The following AK8 variants were observed in gnomAD, a reference collection of about 807,000 sequenced individuals.
AK8 encodes adenylate kinase 8, also known as ATP-AMP transphosphorylase 8.
Under a neutral mutation model 54.6 loss-of-function variants are expected in AK8, and 44 were observed. The ratio of observed to expected loss-of-function variants is 0.81; its 90% CI spans 0.63 to 1.04. The LOEUF (loss-of-function observed/expected upper bound fraction) is 1.04, where lower values mean the gene tolerates loss of function less well. Among genes scored for constraint, AK8 ranks in the 50% least tolerant of loss-of-function variants. AK8 has a pLI of 0.00. For synonymous variants in AK8, 239 were observed against 245.6 expected, an observed-to-expected ratio of 0.97 and a Z score of 0.25; for missense variants, 555 against 613.6, an observed-to-expected ratio of 0.90 and a Z score of 1.01.
chr9:132,844,297 C>CAAAAAA (rs35309762), intron 5 of AK8, among the ~76,000 whole-genome samples: 71 of 92,422 alleles, frequency 7.7e-4, no homozygotes, highest in Non-Finnish European at 9.6e-4. Context: ...TGCATTAGAC[C>CAAAAAA]AAAAAAAAAA....
chr9:132,827,681 G>A lies in AK8; in HGVS notation c.556+332C>T, dbSNP rs139299249. Among the ~76,000 whole-genome samples, 44 of 152,320 alleles carry A rather than the reference G, an allele frequency of 2.9e-4. No homozygotes were observed. The East Asian group carries it at 5.6e-3, about 19-fold the overall frequency. On this transcript the variant is annotated intron_variant, in intron 7 of 12. Coordinates refer to ENST00000298545, the MANE Select transcript of AK8 (RefSeq NM_152572.3). ...TACCAAAGAATAAGGGGTGTCAAGG[G>A]GGCACATAATTTGTCCCAGGGAGAG...
chr9:132,843,495 T>C (rs539942669), intron 5 of AK8, among the ~76,000 whole-genome samples: 49 of 152,298 alleles, frequency 3.2e-4, no homozygotes, highest in Admixed American at 1.8e-3. Context: ...CTTTATGCAT[T>C]GCAAGAATGG....
intron 2 of AK8, among the ~76,000 whole-genome samples, chr9:132,868,711 C>G (rs1265215727): frequency 3.3e-5 from 5 of 152,196 alleles, no homozygotes. Flanking sequence ...CCCATGGCGG[C>G]CAGAACTGTG....
intron 11 of AK8, among the ~76,000 whole-genome samples, chr9:132,765,816 A>C (rs1247846552): frequency 6.6e-6 from 1 of 152,220 alleles, no homozygotes; most frequent in Non-Finnish European, 1.5e-5. Flanking sequence ...CTTATTCAAT[A>C]CATTACTGTA....
intron 10 of AK8, among the ~76,000 whole-genome samples, chr9:132,796,651 G>A (rs531370899): frequency 2.0e-5 from 3 of 152,138 alleles, no homozygotes; most frequent in South Asian, 2.1e-4. Flanking sequence ...TAGACAGGTC[G>A]AGGCAGAAGT....
chr9:132,868,444 C>G (rs1024991158), intron 2 of AK8, among the ~76,000 whole-genome samples: 1 of 152,210 alleles, frequency 6.6e-6, no homozygotes, highest in African/African-American at 2.4e-5. Context: ...CCTCCACGTT[C>G]CTGCCTTGCC....
At chr9:132,795,020 C>T (rs377294934) in intron 10 of AK8, among the ~76,000 whole-genome samples, 3 of 152,250 alleles carry the variant, frequency 2.0e-5, no homozygotes, top group South Asian at 2.1e-4. Context: ...TGATGCTTCA[C>T]GAATATTTTC....
chr9:132,767,592 A>G (rs770837991), intron 11 of AK8, among the ~76,000 whole-genome samples: 78 of 152,248 alleles, frequency 5.1e-4, no homozygotes, highest in South Asian at 1.4e-3. Flanking sequence ...TGATCCCACA[A>G]TTCCACTGTG....
rs573671990 is a variant in AK8, at chr9:132,814,906, C to T, written c.890-179G>A. Among the ~76,000 whole-genome samples the T allele has an allele frequency of 1.2e-4, 19 of 152,104 alleles. No homozygotes were observed. The East Asian group carries it at 2.9e-3, about 23-fold the overall frequency. ...GTAAAAGTAAATATCAAAAAGGAGCCGGGAAATAAATAAAAGAGAGAGGTG... is the reference window on the plus strand; with the variant it reads ...GTAAAAGTAAATATCAAAAAGGAGCTGGGAAATAAATAAAAGAGAGAGGTG... On this transcript the variant is annotated intron_variant, in intron 9 of 12. Transcript: ENST00000298545.
At chr9:132,848,107 C>A (rs1365972290) in intron 5 of AK8, among the ~76,000 whole-genome samples, 1 of 75,064 alleles carries the variant, frequency 1.3e-5, no homozygotes, top group African/African-American at 3.4e-5. Context: ...CAGAGCAACA[C>A]CCTGTTTCAA....
intron 5 of AK8, among the ~76,000 whole-genome samples, chr9:132,834,344 G>A (rs1436852692): frequency 5.3e-5 from 8 of 152,132 alleles, no homozygotes; most frequent in African/African-American, 9.7e-5. Context: ...ACTGTCCCAG[G>A]AGCAGTTACT....
chr9:132,844,003 T>C (rs1842640423), intron 5 of AK8, among the ~76,000 whole-genome samples: 1 of 152,152 alleles, frequency 6.6e-6, no homozygotes. Context: ...TTAAATAAAA[T>C]GGAGCACAAA....
chr9:132,875,461 A>C (rs1844053319), intron 1 of AK8, among the ~76,000 whole-genome samples: 1 of 152,196 alleles, frequency 6.6e-6, no homozygotes, highest in Non-Finnish European at 1.5e-5. Context: ...CAGGCAGTCC[A>C]GGGCTCTCTC....
chr9:132,750,687 G>A (rs1379543067), intron 11 of AK8, among the ~76,000 whole-genome samples: 1 of 151,974 alleles, frequency 6.6e-6, no homozygotes, highest in Non-Finnish European at 1.5e-5. Flanking sequence ...AATCCCACCA[G>A]GGCGCGAGCT....
chr9:132,849,371 C>A (rs1043400833), intron 5 of AK8, among the ~76,000 whole-genome samples: 1 of 152,192 alleles, frequency 6.6e-6, no homozygotes, highest in Non-Finnish European at 1.5e-5. Context: ...CACAGCCGTG[C>A]CCTTTTGTGT....
At chr9:132,756,862 C>T (rs1372480858) in intron 11 of AK8, among the ~76,000 whole-genome samples, 2 of 152,074 alleles carry the variant, frequency 1.3e-5, no homozygotes, top group Admixed American at 6.5e-5. Flanking sequence ...CTATAACTCA[C>T]GGACTCGTGT....
chr9:132,817,698 G>A (rs76404341), intron 9 of AK8, among the ~76,000 whole-genome samples: 1,611 of 152,220 alleles, frequency 0.011, 11 homozygotes, highest in Non-Finnish European at 0.016. Flanking sequence ...GGAAAGGACC[G>A]GAAGAAAAGA....
chr9:132,755,034 G>A (rs1187044645), intron 11 of AK8, among the ~76,000 whole-genome samples: 1 of 152,012 alleles, frequency 6.6e-6, no homozygotes, highest in African/African-American at 2.4e-5. Flanking sequence ...CCTGACCTCA[G>A]GTAATCTGCC....
intron 10 of AK8, among the ~76,000 whole-genome samples, chr9:132,809,236 G>T (rs541012962): frequency 6.6e-6 from 1 of 152,282 alleles, no homozygotes; most frequent in East Asian, 1.9e-4. Context: ...CTCCCCAAAG[G>T]TATATGGGAG....
Sources: allele counts gnomAD v4.1 joint callset (sites outside exome capture counted in the v4.1 genomes callset), GRCh38; gene constraint gnomAD v4.1.1; transcripts MANE v1.5; gene names NCBI Gene and HGNC (gene_info 2026-07-23, HGNC 2026-07-21).